DSCAML1: variants seen among roughly 807,000 people sequenced by gnomAD.
The protein encoded by DSCAML1 is cell adhesion molecule DSCAML1.
In DSCAML1, 38 loss-of-function variants were observed where a neutral mutation model predicts 200.5. The ratio of observed to expected loss-of-function variants is 0.19; its 90% confidence interval spans 0.15 to 0.25. The LOEUF is 0.25. DSCAML1 is among the 10% of genes least tolerant of loss of function. The pLI is 1.00. For synonymous variants in DSCAML1, 1,215 were observed against 1,165.0 expected, an observed-to-expected ratio of 1.04 and a Z score of -0.87; for missense variants, 2,223 against 2,858.8, an observed-to-expected ratio of 0.78 and a Z score of 5.07.
chr11:117,692,790 G>A (rs2053520367), intron 3 of DSCAML1, among the ~76,000 whole-genome samples: 1 of 152,180 alleles, frequency 6.6e-6, no homozygotes, highest in Non-Finnish European at 1.5e-5. Context: ...GCTGGATGGG[G>A]AGACTCCGTT....
In DSCAML1 at chr11:117,432,342, T is replaced by C. The variant is rs2047818095; in HGVS notation, c.5179+10A>G. The C allele has an allele frequency of 6.2e-7, 1 of 1,611,000 alleles. No individual in the cohort carries two copies. ...GGGAAAAGGGCTGTCTCCCTGGGGA[T>C]AATGCGTACTGGTTCCTGGCCGGAT... On this transcript the variant is annotated intron_variant, in intron 30 of 32. Coordinates refer to ENST00000651296, the MANE Select transcript of DSCAML1 (RefSeq NM_020693.4).
intron 3 of DSCAML1, among the ~76,000 whole-genome samples, chr11:117,672,173 G>C (rs1289634029): frequency 6.6e-6 from 1 of 150,458 alleles, no homozygotes; most frequent in Non-Finnish European, 1.5e-5. Flanking sequence ...TTGGAGATGA[G>C]GAAACCAGAG....
chr11:117,658,960 G>A (rs2052786427), intron 3 of DSCAML1, among the ~76,000 whole-genome samples: 1 of 152,196 alleles, frequency 6.6e-6, no homozygotes, highest in Non-Finnish European at 1.5e-5. Context: ...CCTGGGTGTA[G>A]TTCTGACTTT....
intron 14 of DSCAML1, among the ~76,000 whole-genome samples, chr11:117,472,325 A>G (rs1471171982): frequency 6.6e-6 from 1 of 152,092 alleles, no homozygotes; most frequent in Non-Finnish European, 1.5e-5. Flanking sequence ...TGCCAAGATC[A>G]CCATCTGTTT....
At chr11:117,509,518 G>C (rs2049576408) in intron 8 of DSCAML1, among the ~76,000 whole-genome samples, 1 of 152,178 alleles carries the variant, frequency 6.6e-6, no homozygotes, top group Non-Finnish European at 1.5e-5. Context: ...GGATGGGCAG[G>C]TGCGATGCAT....
intron 3 of DSCAML1, among the ~76,000 whole-genome samples, chr11:117,601,364 G>T (rs1450538352): frequency 6.6e-6 from 1 of 152,172 alleles, no homozygotes; most frequent in Admixed American, 6.5e-5. Context: ...TTGAGGAGGG[G>T]ACAAAGACTC....
In DSCAML1 at chr11:117,516,879, C is replaced by T; in HGVS notation, c.1511-140G>A. On this transcript the variant is annotated intron_variant, in intron 7 of 32. Coordinates refer to ENST00000651296, the MANE Select transcript of DSCAML1 (RefSeq NM_020693.4). The surrounding 1 kb of genome is among the most constrained non-coding windows in gnomAD (Gnocchi z 5.7). ...TTCGGGGGCGGACATTTGGTGGGGG[C>T]ACAGGGATGCCTTTTTACAAAGCTA... 6 of 1,039,958 alleles carry T rather than the reference C, an allele frequency of 5.8e-6. No individual in the cohort carries two copies. Among genetic ancestry groups the T allele is most frequent in the Non-Finnish European group, 5.4e-6 (4 of 735,494 alleles). The allele number at this position is 1,039,958 out of a possible 1,614,324, so 64.4% of individuals were successfully genotyped here.
intron 3 of DSCAML1, among the ~76,000 whole-genome samples, chr11:117,663,701 TCTC>T (rs1405957945): frequency 6.6e-6 from 1 of 152,162 alleles, no homozygotes; most frequent in Non-Finnish European, 1.5e-5. Flanking sequence ...AGTTTAATCT[TCTC>T]CTTCCCTTGG....
At chr11:117,439,965 C>A (rs755718506) in intron 21 of DSCAML1, 29 bp from the exon 22 acceptor site, 1 of 1,573,106 alleles carries the variant, frequency 6.4e-7, no homozygotes, top group Non-Finnish European at 8.8e-7. Flanking sequence ...GAGGGCCACT[C>A]CACTTCTACC....
intron 3 of DSCAML1, among the ~76,000 whole-genome samples, chr11:117,733,761 G>C (rs996560925): frequency 7.1e-6 from 1 of 141,184 alleles, no homozygotes; most frequent in South Asian, 2.3e-4. Context: ...CTCAGGAACC[G>C]ATTGCATGCA....
intron 19 of DSCAML1, 116 bp downstream of exon 19, chr11:117,458,638 G>A: frequency 5.2e-6 from 7 of 1,350,058 alleles, no homozygotes; most frequent in South Asian, 1.3e-5. Context: ...CTCTCCCACA[G>A]TTTGAAGGCC....
At chr11:117,513,904 C>A (rs931329033) in intron 8 of DSCAML1, among the ~76,000 whole-genome samples, 8 of 152,220 alleles carry the variant, frequency 5.3e-5, no homozygotes, top group Non-Finnish European at 8.8e-5. Context: ...CTCCTGTGCA[C>A]TGATGGCAGG....
At position 117,463,186 on chromosome 11, in the gene DSCAML1, G is replaced by C. The variant is rs1198326642; in HGVS notation, c.3266-1590C>G. Among the ~76,000 whole-genome samples, 2 of 151,376 alleles carry C rather than the reference G, an allele frequency of 1.3e-5. No homozygotes were observed. Among genetic ancestry groups the C allele is most frequent in the African/African-American group, 2.4e-5 (1 of 41,368 alleles). On this transcript the variant is annotated intron_variant, in intron 17 of 32. Coordinates refer to ENST00000651296, the MANE Select transcript of DSCAML1 (RefSeq NM_020693.4). This position sits in a 1 kb window ranked among gnomAD's most constrained non-coding sequence, Gnocchi z 4.0. ...ACAAGGTGAAGCAGGAAGGCTATGG[G>C]AATCAGAGATTTTGATCCAGACTCT...
At chr11:117,794,224 C>T (rs546850365) in intron 1 of DSCAML1, among the ~76,000 whole-genome samples, 3 of 152,032 alleles carry the variant, frequency 2.0e-5, no homozygotes, top group Non-Finnish European at 4.4e-5. Flanking sequence ...ATTTTAGTGC[C>T]GGGGAAGCTT....
chr11:117,662,296 G>A (rs549238917), intron 3 of DSCAML1, among the ~76,000 whole-genome samples: 8 of 152,314 alleles, frequency 5.3e-5, no homozygotes, highest in South Asian at 4.1e-4. Context: ...CTAGGCAAAC[G>A]CTCCCTTTCA....
At chr11:117,600,734 C>T (rs987975422) in intron 3 of DSCAML1, among the ~76,000 whole-genome samples, 9 of 152,318 alleles carry the variant, frequency 5.9e-5, no homozygotes, top group South Asian at 2.1e-4. Context: ...TGCTGGTAGC[C>T]GTGCCACGTG....
chr11:117,451,050 T>C (rs748994839), intron 19 of DSCAML1, among the ~76,000 whole-genome samples: 3 of 152,196 alleles, frequency 2.0e-5, no homozygotes, highest in Non-Finnish European at 2.9e-5. Context: ...ACTGTAAGCA[T>C]GTATTTAGGG....
chr11:117,459,224 T>C (rs2048432125), intron 18 of DSCAML1, among the ~76,000 whole-genome samples: 1 of 152,192 alleles, frequency 6.6e-6, no homozygotes, highest in African/African-American at 2.4e-5. Context: ...CCAGGCAACA[T>C]TTCTCCCTCC....
intron 3 of DSCAML1, among the ~76,000 whole-genome samples, chr11:117,552,738 G>C (rs1321602872): frequency 6.6e-6 from 1 of 152,206 alleles, no homozygotes; most frequent in African/African-American, 2.4e-5. Flanking sequence ...GAAGTGTCTT[G>C]CTGGAGGCAA....
Sources: allele counts gnomAD v4.1 joint callset (sites outside exome capture counted in the v4.1 genomes callset), GRCh38; gene constraint gnomAD v4.1.1; non-coding constraint Gnocchi (gnomAD v3.1); transcripts MANE v1.5; gene names NCBI Gene and HGNC (gene_info 2026-07-23, HGNC 2026-07-21).